The following LPP variants were observed in gnomAD, a reference collection of about 807,000 sequenced individuals.
The protein encoded by LPP is lipoma-preferred partner.
LPP carries 38 observed loss-of-function variants against 60.4 expected under a neutral mutation model. The observed-to-expected ratio is 0.63, with a 90% CI of 0.49 to 0.83. The LOEUF (loss-of-function observed/expected upper bound fraction) is 0.83, where lower values mean the gene tolerates loss of function less well. Among genes scored for constraint, LPP ranks in the 40% least tolerant of loss-of-function variants. The pLI is 0.00. For missense variants in LPP, 902 were observed against 783.6 expected (o/e 1.15, Z -1.80); for synonymous variants, 328 against 290.8 (o/e 1.13, Z -1.30).
chr3:188,489,437 C>A (rs777027267), intron 5 of LPP, among the ~76,000 whole-genome samples: 2 of 152,016 alleles, frequency 1.3e-5, no homozygotes, highest in Non-Finnish European at 1.5e-5. Context: ...CCTTAATTTT[C>A]AGATAGGTGA....
intron 1 of LPP, among the ~76,000 whole-genome samples, chr3:188,194,022 T>C (rs1728873851): frequency 1.3e-5 from 2 of 152,352 alleles, no homozygotes; most frequent in South Asian, 4.1e-4. Flanking sequence ...CCACTCACCA[T>C]CTTTGGTCCT....
chr3:188,531,232 G>T (rs529147229), intron 6 of LPP, among the ~76,000 whole-genome samples: 22 of 152,218 alleles, frequency 1.4e-4, no homozygotes, highest in African/African-American at 5.3e-4. Context: ...GAAATAATAA[G>T]AAATAATATA....
intron 9 of LPP, among the ~76,000 whole-genome samples, chr3:188,776,503 A>G (rs1324413791): frequency 1.3e-5 from 2 of 152,174 alleles, no homozygotes; most frequent in Non-Finnish European, 2.9e-5. Context: ...TACCTTCAGG[A>G]TAACAGGCTT....
In LPP at chr3:188,879,305, A is replaced by G. The variant is rs1769647821; in HGVS notation, c.*4826A>G. 8.9e-6 allele frequency: 2 copies of G among 225,886 alleles called. No individual in the cohort carries two copies. The highest frequency in any genetic ancestry group is 3.7e-4 in the South Asian group (2 of 5,420). The allele number at this position is 225,886 out of a possible 1,614,324, so 14.0% of individuals were successfully genotyped here. On this transcript the variant is annotated 3_prime_UTR_variant, in exon 12 of 12. Transcript: ENST00000617246. ...TCCTCCTCTTCTTATTTTCTTTCCT[A>G]CTTTCCATCCTACCTATTAGTGTTG...
chr3:188,563,716 G>GTTTTTTT (rs369454193), intron 6 of LPP, among the ~76,000 whole-genome samples: 1 of 108,040 alleles, frequency 9.3e-6, no homozygotes, highest in Non-Finnish European at 2.0e-5. Context: ...GGAATTGCTT[G>GTTTTTTT]TGTTTTTTTT....
At chr3:188,611,863 A>C (rs1179805185) in intron 7 of LPP, among the ~76,000 whole-genome samples, 1 of 152,174 alleles carries the variant, frequency 6.6e-6, no homozygotes, top group Non-Finnish European at 1.5e-5. Flanking sequence ...GTGTAGGAAA[A>C]AGAATCAGCC....
intron 6 of LPP, among the ~76,000 whole-genome samples, chr3:188,538,901 A>C (rs778568548): frequency 6.6e-6 from 1 of 152,178 alleles, no homozygotes; most frequent in South Asian, 2.1e-4. Context: ...CCTGGGAAAC[A>C]TTATGCTATA....
chr3:188,188,798 A>G (rs780417392), intron 1 of LPP, among the ~76,000 whole-genome samples: 9 of 152,210 alleles, frequency 5.9e-5, no homozygotes, highest in Admixed American at 1.3e-4. Flanking sequence ...TGGTATTACT[A>G]TAAAACTTCA....
chr3:188,190,880 T>C (rs1727967107), intron 1 of LPP, among the ~76,000 whole-genome samples: 1 of 152,210 alleles, frequency 6.6e-6, no homozygotes, highest in African/African-American at 2.4e-5. Context: ...GTTCTTCTTA[T>C]TTCACTAGAT....
chr3:188,433,957 G>A (rs1014483399), intron 4 of LPP, among the ~76,000 whole-genome samples: 8 of 152,128 alleles, frequency 5.3e-5, no homozygotes, highest in Admixed American at 6.6e-5. Flanking sequence ...AGTCCACATC[G>A]TGAGAGAAAG....
chr3:188,378,127 C>A (rs1040351684), intron 3 of LPP, among the ~76,000 whole-genome samples: 2 of 152,186 alleles, frequency 1.3e-5, no homozygotes, highest in African/African-American at 4.8e-5. Flanking sequence ...CTGGGGGGTG[C>A]CTCCCAGTTA....
chr3:188,303,239 G>A (rs1269848065), intron 2 of LPP, among the ~76,000 whole-genome samples: 3 of 152,124 alleles, frequency 2.0e-5, no homozygotes, highest in African/African-American at 7.2e-5. Context: ...AAATAATTGC[G>A]TGTGAATATG....
At chr3:188,676,203 A>G (rs1858043951) in intron 7 of LPP, among the ~76,000 whole-genome samples, 1 of 152,222 alleles carries the variant, frequency 6.6e-6, no homozygotes, top group African/African-American at 2.4e-5. Context: ...TTCATGGAAT[A>G]ATCTAGACAA....
chr3:188,377,126 G>T (rs1427771700), intron 3 of LPP, among the ~76,000 whole-genome samples: 2 of 152,094 alleles, frequency 1.3e-5, no homozygotes, highest in South Asian at 2.1e-4. Context: ...TTTCTCTCTG[G>T]CTGCCCTTAA....
intron 3 of LPP, among the ~76,000 whole-genome samples, chr3:188,349,917 A>T (rs557787225): frequency 1.3e-5 from 2 of 152,318 alleles, no homozygotes; most frequent in Non-Finnish European, 2.9e-5. Context: ...TCCAATTTGC[A>T]GTCCATGCCC....
At chr3:188,501,564 G>T (rs9834370) in intron 5 of LPP, among the ~76,000 whole-genome samples, 1 of 151,624 alleles carries the variant, frequency 6.6e-6, no homozygotes, top group African/African-American at 2.4e-5. Context: ...CCTGGCTAAC[G>T]CGGTGAAACC....
intron 2 of LPP, among the ~76,000 whole-genome samples, chr3:188,301,023 T>C (rs961678663): frequency 3.9e-5 from 6 of 152,208 alleles, no homozygotes; most frequent in African/African-American, 1.4e-4. Flanking sequence ...CTCAGCATCT[T>C]ATCTTCTACA....
intron 1 of LPP, among the ~76,000 whole-genome samples, chr3:188,154,506 G>A (rs1040430985): frequency 2.0e-5 from 3 of 152,120 alleles, no homozygotes; most frequent in African/African-American, 7.2e-5. Context: ...CGCGCCCCCT[G>A]CCCGGACTTT....
At chr3:188,397,901 A>C (rs558679090) in intron 3 of LPP, among the ~76,000 whole-genome samples, 106 of 152,230 alleles carry the variant, frequency 7.0e-4, no homozygotes, top group African/African-American at 2.4e-3. Context: ...GGTCTGAGCC[A>C]CTGGGCCCGG....
Sources: gnomAD v4.1 joint callset for allele counts (sites outside exome capture counted in the v4.1 genomes callset) on GRCh38, gnomAD v4.1.1 for gene constraint, MANE v1.5 for transcripts, NCBI Gene and HGNC (gene_info 2026-07-23, HGNC 2026-07-21) for gene names.